Variants in DACH2 observed in about 807,000 individuals in gnomAD.
The protein encoded by DACH2 is dachshund homolog 2.
Under a neutral mutation model 35.8 loss-of-function variants are expected in DACH2, and 17 were observed. The observed-to-expected ratio is 0.48, with a 90% CI of 0.33 to 0.71. DACH2 has a LOEUF of 0.71. Among genes scored for constraint, DACH2 ranks in the 30% least tolerant of loss-of-function variants. The pLI, the probability that DACH2 is intolerant of heterozygous loss-of-function variation, is 0.02. For missense variants in DACH2, 469 were observed against 472.7 expected, an observed-to-expected ratio of 0.99 and a Z score of 0.07; for synonymous variants, 195 against 177.3, an observed-to-expected ratio of 1.10 and a Z score of -0.79.
intron 1 of DACH2, among the ~76,000 whole-genome samples, chrX:86,374,561 G>A (rs918514403): frequency 3.6e-5 from 4 of 110,904 alleles, no homozygotes; most frequent in Admixed American, 9.7e-5. Flanking sequence ...GGTGGTAGTT[G>A]TATATTGTAT....
At chrX:86,626,956 T>C (rs2148383808) in intron 3 of DACH2, among the ~76,000 whole-genome samples, 1 of 112,791 alleles carries the variant, frequency 8.9e-6, no homozygotes, top group South Asian at 3.7e-4. Flanking sequence ...TACATTTGCC[T>C]CCTTCTTACT....
At chrX:86,777,128 G>A (rs952520430) in intron 7 of DACH2, among the ~76,000 whole-genome samples, 22 of 111,278 alleles carry the variant, frequency 2.0e-4, no homozygotes, top group Admixed American at 6.7e-4. Flanking sequence ...GGGTCAAATG[G>A]TATTTCTAGT....
At chrX:86,500,299 C>CAGTG (rs1396553585) in intron 2 of DACH2, among the ~76,000 whole-genome samples, 1 of 111,337 alleles carries the variant, frequency 9.0e-6, no homozygotes, top group Non-Finnish European at 1.9e-5. Flanking sequence ...TAACCTTAAT[C>CAGTG]AGTGCATTTC....
At chrX:86,800,154 A>T in intron 7 of DACH2, among the ~76,000 whole-genome samples, 1 of 112,500 alleles carries the variant, frequency 8.9e-6, no homozygotes, top group East Asian at 2.8e-4. Flanking sequence ...TTTCTAATTA[A>T]TTGAAAAGTT....
intron 1 of DACH2, among the ~76,000 whole-genome samples, chrX:86,255,241 A>C (rs1258955044): frequency 9.0e-6 from 1 of 111,711 alleles, no homozygotes; most frequent in African/African-American, 3.3e-5. Context: ...CAGACAGTGT[A>C]GTGCCAATCT....
At chrX:86,317,116 C>CAAAAAAAAAAAAA (rs35386773) in intron 1 of DACH2, among the ~76,000 whole-genome samples, 1 of 66,239 alleles carries the variant, frequency 1.5e-5, no homozygotes. Context: ...GACTCCATCT[C>CAAAAAAAAAAAAA]AAAAAAAAAA....
chrX:86,765,698 G>GTTTTTTTTTTTTTTTTTTTT (rs60709865), intron 7 of DACH2, among the ~76,000 whole-genome samples: 2 of 24,637 alleles, frequency 8.1e-5, no homozygotes, highest in African/African-American at 1.7e-4. Context: ...TTGTTTTTTG[G>GTTTTTTTTTTTTTTTTTTTT]TTTTTTTTTT....
At chrX:86,305,427 C>A (rs184020069) in intron 1 of DACH2, among the ~76,000 whole-genome samples, 1 of 111,488 alleles carries the variant, frequency 9.0e-6, no homozygotes, top group Non-Finnish European at 1.9e-5. Context: ...AAAATAAACT[C>A]AAAATGGATT....
chrX:86,677,269 G>A (rs1335436073), intron 4 of DACH2, among the ~76,000 whole-genome samples: 1 of 111,856 alleles, frequency 8.9e-6, no homozygotes, highest in African/African-American at 3.2e-5. Context: ...AGAAAATACT[G>A]GTTTTGCCAA....
intron 1 of DACH2, among the ~76,000 whole-genome samples, chrX:86,182,420 C>T (rs1447922387): frequency 8.9e-6 from 1 of 111,892 alleles, no homozygotes; most frequent in Non-Finnish European, 1.9e-5. Flanking sequence ...CCAGTTTTCC[C>T]AACACCATTT....
At chrX:86,703,368 G>C (rs1449575789) in intron 5 of DACH2, among the ~76,000 whole-genome samples, 1 of 111,156 alleles carries the variant, frequency 9.0e-6, no homozygotes, top group Non-Finnish European at 1.9e-5. Context: ...AACGAGAGAA[G>C]GTTGCCCATT....
At chrX:86,810,000 A>T (rs2042380132) in intron 7 of DACH2, among the ~76,000 whole-genome samples, 1 of 111,269 alleles carries the variant, frequency 9.0e-6, no homozygotes, top group Admixed American at 9.7e-5. Flanking sequence ...ATGAAATATG[A>T]TTCTTTTTGT....
chrX:86,687,876 A>G (rs773140008), intron 4 of DACH2, among the ~76,000 whole-genome samples: 1 of 107,017 alleles, frequency 9.3e-6, no homozygotes, highest in East Asian at 3.0e-4. Flanking sequence ...GGAACATCAC[A>G]CACTGGGGCC....
intron 7 of DACH2, among the ~76,000 whole-genome samples, chrX:86,745,471 G>A (rs1177496623): frequency 9.0e-6 from 1 of 110,863 alleles, no homozygotes; most frequent in African/African-American, 3.3e-5. Flanking sequence ...TTGTTTCTAT[G>A]TGTTCTCAAT....
intron 3 of DACH2, among the ~76,000 whole-genome samples, chrX:86,650,785 G>C (rs1299668605): frequency 9.0e-6 from 1 of 111,070 alleles, no homozygotes; most frequent in Non-Finnish European, 1.9e-5. Flanking sequence ...AAGTTACATT[G>C]TTAAAAATAT....
At chrX:86,631,291 A>G (rs2040198368) in intron 3 of DACH2, among the ~76,000 whole-genome samples, 4 of 112,226 alleles carry the variant, frequency 3.6e-5, no homozygotes, top group African/African-American at 1.3e-4. Context: ...ACTGAAAATA[A>G]ACCCAAATAC....
chrX:86,580,978 G>A (rs1304960466), intron 3 of DACH2, among the ~76,000 whole-genome samples: 1 of 111,144 alleles, frequency 9.0e-6, no homozygotes, highest in East Asian at 2.8e-4. Context: ...AAAATTAAAT[G>A]CAGCTAGAGG....
intron 1 of DACH2, among the ~76,000 whole-genome samples, chrX:86,331,175 G>A (rs1287724516): frequency 1.8e-5 from 2 of 111,009 alleles, no homozygotes; most frequent in Admixed American, 9.7e-5. Context: ...AAATCAAACC[G>A]TTTTTGCTAT....
At chrX:86,712,220 T>C (rs969878156) in intron 5 of DACH2, among the ~76,000 whole-genome samples, 7 of 111,499 alleles carry the variant, frequency 6.3e-5, no homozygotes, top group Non-Finnish European at 1.1e-4. Context: ...ATGTGAAGGT[T>C]TCAGGAGAAA....
Sources: gnomAD v4.1 joint callset for allele counts (sites outside exome capture counted in the v4.1 genomes callset) on GRCh38, gnomAD v4.1.1 for gene constraint, MANE v1.5 for transcripts, NCBI Gene and HGNC (gene_info 2026-07-23, HGNC 2026-07-21) for gene names.